KLHL35: variants seen among roughly 807,000 people sequenced by gnomAD.
KLHL35 encodes kelch-like protein 35.
A neutral mutation model predicts 44.0 loss-of-function variants in KLHL35; 50 were observed. The observed-to-expected ratio is 1.14, with a 90% CI of 0.91 to 1.44. The LOEUF is 1.44. Ranked by LOEUF, KLHL35 falls within the 40% of genes most tolerant of loss-of-function variation. The pLI is 0.00. For synonymous variants in KLHL35, 470 were observed against 410.4 expected (o/e 1.15, Z -1.76); for missense variants, 1,049 against 887.8 (o/e 1.18, Z -2.31).
intron 4 of KLHL35, 54 bp from the exon 5 acceptor site, chr11:75,425,635 G>C: frequency 7.3e-7 from 1 of 1,370,518 alleles, no homozygotes; most frequent in Non-Finnish European, 9.5e-7. Flanking sequence ...TAGGGCCCTC[G>C]GCCTCATCGC....
In KLHL35 at chr11:75,429,891, G is replaced by T. The variant is rs756602170; in HGVS notation, c.739C>A (p.Leu247Met). ...TTCTCCAGGAAGTAAGCGGGCGCCA[G>T]TAGCGGCAGGCGCACGTGCTCCAGC... ...RLLEHVRLPL[L>M]APAYFLEKVE... Residue 247 changes from leucine to methionine, a missense_variant, in exon 2 of 7, where the codon CTG (leucine) becomes ATG (methionine). Coordinates refer to ENST00000539798, the MANE Select transcript of KLHL35 (RefSeq NM_001039548.3). 1.9e-5 allele frequency: 29 copies of T among 1,514,156 alleles called. No individual in the cohort carries two copies. The highest frequency in any genetic ancestry group is 4.4e-6 in the Non-Finnish European group (5 of 1,141,454). 93.8% of individuals were successfully genotyped at this position (1,514,156 alleles called of 1,614,324 possible).
chr11:75,426,758 C>T (rs1948495806), intron 3 of KLHL35, 120 bp from the exon 4 acceptor site: 1 of 624,520 alleles, frequency 1.6e-6, no homozygotes, highest in African/African-American at 1.8e-5. Context: ...AGCAGGAGGA[C>T]TTCTTGAGCT....
intron 5 of KLHL35, chr11:75,424,178 T>TC: frequency 3.0e-6 from 1 of 336,158 alleles, no homozygotes; most frequent in East Asian, 5.8e-5. Context: ...TCCCTGGTGT[T>TC]CCCCCCTCCC....
At chr11:75,429,170 C>A (rs1339224838) in intron 2 of KLHL35, among the ~76,000 whole-genome samples, 1 of 152,248 alleles carries the variant, frequency 6.6e-6, no homozygotes. Context: ...GTAAATCATT[C>A]TTCCCTCTCA....
intron 2 of KLHL35, 85 bp from the exon 3 acceptor site, chr11:75,428,711 G>C: frequency 8.1e-7 from 1 of 1,228,190 alleles, no homozygotes; most frequent in Non-Finnish European, 1.1e-6. Context: ...GCACGGTCCC[G>C]CTGCCCTTTC....
Position 75,422,508 on chromosome 11 carries a change from A to G in KLHL35, c.*72T>C. On this transcript the variant is annotated 3_prime_UTR_variant, in exon 7 of 7. Coordinates refer to ENST00000539798, the MANE Select transcript of KLHL35 (RefSeq NM_001039548.3). ...TAAGGGCTGTTTGCGTGGAGGTGCC[A>G]TGAGGGAGCAGAGTGTGCATCTGAG... The G allele has an allele frequency of 7.0e-7, 1 of 1,436,772 alleles. No homozygotes were observed. Among genetic ancestry groups the G allele is most frequent in the Non-Finnish European group, 9.6e-7 (1 of 1,037,584 alleles). The allele number at this position is 1,436,772 out of a possible 1,614,324, so 89.0% of individuals were successfully genotyped here. A position where few individuals can be genotyped will look rare whatever the true frequency, so the allele number is the denominator to read the frequency against.
At chr11:75,432,618 G>A (rs891469205) in intron 1 of KLHL35, among the ~76,000 whole-genome samples, 9 of 152,158 alleles carry the variant, frequency 5.9e-5, no homozygotes, top group Middle Eastern at 3.2e-3. Flanking sequence ...GCAGCTCCCT[G>A]GGGGAGAAAG....
intron 3 of KLHL35, among the ~76,000 whole-genome samples, chr11:75,427,183 A>G (rs1948499361): frequency 6.6e-6 from 1 of 152,230 alleles, no homozygotes; most frequent in Admixed American, 6.5e-5. Flanking sequence ...GATGAGACTT[A>G]GAGACCAACA....
At chr11:75,432,913 A>G (rs1257858615) in intron 1 of KLHL35, among the ~76,000 whole-genome samples, 130 bp downstream of exon 1, 1 of 152,122 alleles carries the variant, frequency 6.6e-6, no homozygotes, top group Non-Finnish European at 1.5e-5. Flanking sequence ...TCACTCTTTT[A>G]CACACCCACA....
rs1309803949 is a variant in KLHL35, at chr11:75,430,259, G to A, written c.371C>T (p.Ala124Val). The A allele has an allele frequency of 2.5e-6, 3 of 1,207,872 alleles. No homozygotes were observed. The highest frequency in any genetic ancestry group is 5.5e-5 in the South Asian group (2 of 36,040). The allele number at this position is 1,207,872 out of a possible 1,614,324, so 74.8% of individuals were successfully genotyped here. A position where few individuals can be genotyped will look rare whatever the true frequency, so the allele number is the denominator to read the frequency against. The change falls in exon 2 of 7, where the codon GCG becomes GTG. Residue 124 changes from alanine (A) to valine (V), a missense_variant. Transcript: ENST00000539798. ...GVRLRAEDEAAAVLALAERLG... is the reference protein window; with the variant it reads ...GVRLRAEDEAVAVLALAERLG... ...CCGCTCCGCCAGCGCCAGCACGGCCGCCGCCTCGTCCTCCGCGCGCAGCCG... is the reference window on the plus strand; with the variant it reads ...CCGCTCCGCCAGCGCCAGCACGGCCACCGCCTCGTCCTCCGCGCGCAGCCG...
Position 75,423,754 on chromosome 11 carries a change from T to C in KLHL35, c.1501A>G (p.Ile501Val), listed in dbSNP as rs374500883. 21 of 1,613,752 alleles carry C rather than the reference T, an allele frequency of 1.3e-5. No homozygotes were observed. The African/African-American group carries it at 2.4e-4, about 18-fold the overall frequency. Residue 501 changes from isoleucine (I) to valine (V), a missense_variant, in exon 6 of 7, where the codon ATC becomes GTC. Transcript: ENST00000539798. ...TCTGTGCCTGGATCATAGGTGAAGA[T>C]TTTGCTCATGAGACCCCCCATGACA... ...IYVMGGLMSK[I>V]FTYDPGTDVW...
At chr11:75,424,553 T>C (rs1173006091) in intron 5 of KLHL35, 1 of 152,740 alleles carries the variant, frequency 6.5e-6, no homozygotes, top group Non-Finnish European at 1.5e-5. Flanking sequence ...GGAGACCCCC[T>C]CCCCCCACAG....
rs765127531 is a variant in KLHL35, at chr11:75,425,480, C to T, written c.1287G>A (p.Glu429=). Residue 429 remains glutamate, a synonymous_variant, in exon 5 of 7, where the codon GAG becomes GAA. Coordinates refer to ENST00000539798, the MANE Select transcript of KLHL35 (RefSeq NM_001039548.3). ...ACGCCACCGCCGCCGAGCTCACGGC[C>T]TCCGGGAGGGGCGCGGCGGCCGCCC... ...NTWAAAAPLP[E]AVSSAAVASC... 1.1e-5 allele frequency: 18 copies of T among 1,571,812 alleles called. No individual in the cohort carries two copies. The highest frequency in any genetic ancestry group is 1.5e-5 in the Non-Finnish European group (18 of 1,164,820).
intron 5 of KLHL35, 106 bp downstream of exon 5, chr11:75,425,287 T>C: frequency 8.0e-7 from 1 of 1,246,688 alleles, no homozygotes. Flanking sequence ...GTTGATGGGA[T>C]TAAGTGAATA....
intron 6 of KLHL35, chr11:75,423,297 G>A: frequency 5.0e-6 from 1 of 201,326 alleles, no homozygotes; most frequent in Non-Finnish European, 1.0e-5. Flanking sequence ...GAGCTTCCAG[G>A]ACTTGGGCCT....
chr11:75,430,519 G>C lies in KLHL35; in HGVS notation c.111C>G (p.Ser37Arg). Residue 37 changes from serine to arginine, a missense_variant, in exon 2 of 7, where the codon AGC becomes AGG. Physicochemically the swap from Ser to Arg is moderately radical, Grantham distance 110. Transcript: ENST00000539798. The stretch of plus-strand genomic sequence containing the variant: ...GCAGCACCACGTCGGTGAGGGTGCC[G>C]CTCCGCCGGTAGGCGTTCAGGGCCT... ...VLQALNAYRRSGTLTDVVLRA... is the reference protein window; with the variant it reads ...VLQALNAYRRRGTLTDVVLRA... 6.9e-7 allele frequency: 1 copy of C among 1,446,632 alleles called. No individual in the cohort carries two copies. The highest frequency in any genetic ancestry group is 9.1e-7 in the Non-Finnish European group (1 of 1,104,170). The allele number at this position is 1,446,632 out of a possible 1,614,324, so 89.6% of individuals were successfully genotyped here.
At chr11:75,429,333 C>G (rs1194493040) in intron 2 of KLHL35, among the ~76,000 whole-genome samples, 1 of 152,230 alleles carries the variant, frequency 6.6e-6, no homozygotes, top group African/African-American at 2.4e-5. Context: ...AAGGGCTACT[C>G]TGCCCAGAGC....
Position 75,430,483 on chromosome 11 carries a change from C to A in KLHL35, c.147G>T (p.Gly49=). 7.1e-7 allele frequency: 1 copy of A among 1,405,154 alleles called. No individual in the cohort carries two copies. The allele number at this position is 1,405,154 out of a possible 1,614,324, so 87.0% of individuals were successfully genotyped here. ...CCGCGCGGTGGCACGGAAAGTCGCGCCCGCCGGCGCGCAGCACCACGTCGG... is the reference window on the plus strand; with the variant it reads ...CCGCGCGGTGGCACGGAAAGTCGCGACCGCCGGCGCGCAGCACCACGTCGG... The part of the protein sequence containing the change: ...TLTDVVLRAG[G]RDFPCHRAAL... Residue 49 remains glycine, a synonymous_variant, in exon 2 of 7, where the codon GGG becomes GGT. Transcript: ENST00000539798.
chr11:75,425,684 T>G, intron 4 of KLHL35, 103 bp from the exon 5 acceptor site: 1 of 1,092,862 alleles, frequency 9.2e-7, no homozygotes, highest in Non-Finnish European at 1.2e-6. Flanking sequence ...ACTATCCCTG[T>G]CCCCAACCCA....
Sources: gnomAD v4.1 joint callset for allele counts (sites outside exome capture counted in the v4.1 genomes callset) on GRCh38, gnomAD v4.1.1 for gene constraint, MANE v1.5 for transcripts, NCBI Gene and HGNC (gene_info 2026-07-23, HGNC 2026-07-21) for gene names.